ANK2: variants seen among roughly 807,000 people sequenced by gnomAD.
The protein encoded by ANK2 is ankyrin 2.
Under a neutral mutation model 360.5 loss-of-function variants are expected in ANK2, and 83 were observed. The observed-to-expected ratio is 0.23, with a 90% CI of 0.19 to 0.28. The LOEUF is 0.28. ANK2 is among the 10% of genes least tolerant of loss of function. The pLI is 1.00. For synonymous variants in ANK2, 1,740 were observed against 1,759.5 expected, an observed-to-expected ratio of 0.99 and a Z score of 0.28; for missense variants, 4,201 against 4,795.7, an observed-to-expected ratio of 0.88 and a Z score of 3.66.
chr4:113,037,957 C>A (rs1478649045), intron 2 of ANK2, among the ~76,000 whole-genome samples: 1 of 152,034 alleles, frequency 6.6e-6, no homozygotes, highest in African/African-American at 2.4e-5. Context: ...TGTGTTTAAT[C>A]ATTTTCCTAG....
chr4:112,761,492 C>T, the ANK2 span, among the ~76,000 whole-genome samples: 1 of 152,090 alleles, frequency 6.6e-6, no homozygotes, highest in Non-Finnish European at 1.5e-5. Context: ...TGGTGGCACG[C>T]GCCTGCAGTC....
chr4:113,210,888 T>G (rs2099014001), intron 4 of ANK2, among the ~76,000 whole-genome samples: 2 of 152,186 alleles, frequency 1.3e-5, no homozygotes, highest in African/African-American at 4.8e-5. Context: ...CCCTCCCTAT[T>G]TATTAGATTT....
intron 1 of ANK2, among the ~76,000 whole-genome samples, chr4:113,068,530 A>C (rs1206537532): frequency 6.6e-6 from 1 of 152,234 alleles, no homozygotes; most frequent in Non-Finnish European, 1.5e-5. Context: ...TTGATTAGAA[A>C]ATTGTACAGC....
At chr4:113,038,659 C>T (rs2062161426) in intron 2 of ANK2, among the ~76,000 whole-genome samples, 1 of 152,062 alleles carries the variant, frequency 6.6e-6, no homozygotes, top group South Asian at 2.1e-4. Flanking sequence ...GGCCCTGTGA[C>T]TGCTTTGACC....
At chr4:112,957,714 C>A (rs1374670258) in intron 2 of ANK2, among the ~76,000 whole-genome samples, 2 of 150,998 alleles carry the variant, frequency 1.3e-5, no homozygotes, top group African/African-American at 2.5e-5. Context: ...ACCTCCCTCC[C>A]GGACGGGGTG....
the ANK2 span, among the ~76,000 whole-genome samples, chr4:112,781,465 T>A: frequency 6.6e-6 from 1 of 152,190 alleles, no homozygotes; most frequent in Non-Finnish European, 1.5e-5. Flanking sequence ...ACTAATCGTG[T>A]TTTATATATT....
chr4:112,921,547 C>T (rs562941457), intron 2 of ANK2, among the ~76,000 whole-genome samples: 2 of 152,204 alleles, frequency 1.3e-5, no homozygotes, highest in African/African-American at 4.8e-5. Flanking sequence ...AATCATAGCA[C>T]ACTACAACCT....
intron 2 of ANK2, among the ~76,000 whole-genome samples, chr4:112,959,793 G>A (rs1177804540): frequency 1.3e-5 from 2 of 152,194 alleles, no homozygotes; most frequent in African/African-American, 4.8e-5. Context: ...AGAAGATTGA[G>A]AGAATTGTCA....
chr4:113,062,454 A>T (rs1490699478), intron 1 of ANK2, among the ~76,000 whole-genome samples: 1 of 151,940 alleles, frequency 6.6e-6, no homozygotes, highest in Non-Finnish European at 1.5e-5. Context: ...AAATTCTTAA[A>T]TTTTCTGGCT....
intron 14 of ANK2, among the ~76,000 whole-genome samples, chr4:113,267,940 T>C (rs937373963): frequency 2.6e-5 from 4 of 152,236 alleles, no homozygotes; most frequent in Non-Finnish European, 5.9e-5. Context: ...CAGTGGTCTG[T>C]AGTTATCCTT....
At chr4:112,914,471 A>G (rs1275969453) in intron 2 of ANK2, among the ~76,000 whole-genome samples, 1 of 152,054 alleles carries the variant, frequency 6.6e-6, no homozygotes, top group Non-Finnish European at 1.5e-5. Flanking sequence ...AAATACAAAA[A>G]AATTAGCCGG....
chr4:112,806,922 C>T, the ANK2 span, among the ~76,000 whole-genome samples: 1 of 152,180 alleles, frequency 6.6e-6, no homozygotes, highest in African/African-American at 2.4e-5. Flanking sequence ...ATGGCAGTTC[C>T]ATTTTTAGTC....
the ANK2 span, among the ~76,000 whole-genome samples, chr4:112,718,144 T>C: frequency 3.3e-5 from 5 of 152,368 alleles, no homozygotes; most frequent in East Asian, 9.6e-4. Context: ...TCTAGGACTT[T>C]CCTCTGTTTA....
chr4:113,066,186 C>T (rs1299434781), intron 1 of ANK2, among the ~76,000 whole-genome samples: 3 of 152,124 alleles, frequency 2.0e-5, no homozygotes. Flanking sequence ...CTCCCCTCCT[C>T]CCCCCAGCCC....
At position 113,357,806 on chromosome 4, in the gene ANK2, A is replaced by G; in HGVS notation, c.9188A>G (p.Glu3063Gly). ...TTTGAGGCTCGTGTGAAAGAGGAAGAACAAAAGATATTTGGTTTGATGGTA... is the reference window on the plus strand; with the variant it reads ...TTTGAGGCTCGTGTGAAAGAGGAAGGACAAAAGATATTTGGTTTGATGGTA... ...EAFEARVKEE[E>G]QKIFGLMVDR... is the part of the protein sequence containing the mutation. Residue 3063 changes from glutamate to glycine, a missense_variant, in exon 38 of 46, where the codon GAA becomes GGA. Glu to Gly is a moderately conservative substitution (Grantham distance 98). Around this residue, in one of 4 missense-constraint regions of ANK2, gnomAD observed 2,642 missense variants for 2,714.5 expected, o/e 0.97. Coordinates refer to ENST00000357077, the MANE Select transcript of ANK2 (RefSeq NM_001148.6). The G allele has an allele frequency of 1.2e-6, 2 of 1,613,950 alleles. No individual in the cohort carries two copies. Among genetic ancestry groups the G allele is most frequent in the Non-Finnish European group, 1.7e-6 (2 of 1,179,904 alleles).
the ANK2 span, among the ~76,000 whole-genome samples, chr4:112,715,780 A>G: frequency 2.0e-5 from 3 of 151,950 alleles, no homozygotes; most frequent in African/African-American, 7.2e-5. Context: ...ACTTTTTCCT[A>G]CTGAATGAGG....
chr4:112,785,565 G>T, the ANK2 span, among the ~76,000 whole-genome samples: 822 of 152,036 alleles, frequency 5.4e-3, 6 homozygotes, highest in African/African-American at 0.018. Context: ...TAGAGACGGG[G>T]TTTCACCATG....
chr4:112,720,936 G>T, the ANK2 span, among the ~76,000 whole-genome samples: 2 of 151,890 alleles, frequency 1.3e-5, no homozygotes, highest in South Asian at 2.1e-4. Flanking sequence ...CCTAGCTGTT[G>T]TTTTTTTTGA....
intron 1 of ANK2, among the ~76,000 whole-genome samples, chr4:113,142,814 G>A (rs1414302314): frequency 6.6e-6 from 1 of 152,012 alleles, no homozygotes; most frequent in African/African-American, 2.4e-5. Flanking sequence ...TTACTTGGTT[G>A]GTTCATACTC....
Sources: gnomAD v4.1 joint callset for allele counts (sites outside exome capture counted in the v4.1 genomes callset) on GRCh38, gnomAD v4.1.1 for gene constraint, gnomAD v4.1.1 regional missense constraint, MANE v1.5 for transcripts, NCBI Gene and HGNC (gene_info 2026-07-23, HGNC 2026-07-21) for gene names.